The following RIMKLB variants were observed in gnomAD, a reference collection of about 807,000 sequenced individuals.
RIMKLB encodes the protein beta-citrylglutamate synthase B.
RIMKLB carries 7 observed loss-of-function variants against 32.0 expected under a neutral mutation model. The observed-to-expected ratio is 0.22, with a 90% CI of 0.12 to 0.41. The LOEUF (loss-of-function observed/expected upper bound fraction) is 0.41, where lower values mean the gene tolerates loss of function less well. RIMKLB is among the 10% of genes least tolerant of loss of function. RIMKLB has a pLI of 1.00. For missense variants in RIMKLB, 289 were observed against 498.7 expected (o/e 0.58, Z 4.00); for synonymous variants, 172 against 185.1 (o/e 0.93, Z 0.57).
chr12:8,748,302 G>A (rs61054720), intron 2 of RIMKLB, among the ~76,000 whole-genome samples: 5,613 of 152,086 alleles, frequency 0.037, 331 homozygotes, highest in African/African-American at 0.13. Flanking sequence ...GAGAGAAAAG[G>A]ACATTTACAT....
At chr12:8,763,029 A>G (rs1949661692) in intron 5 of RIMKLB, among the ~76,000 whole-genome samples, 1 of 152,256 alleles carries the variant, frequency 6.6e-6, no homozygotes, top group Admixed American at 6.5e-5. Flanking sequence ...ATATTTAAGC[A>G]AATGGTTGTC....
chr12:8,694,701 T>C (rs1238228310), upstream of RIMKLB, among the ~76,000 whole-genome samples: 1 of 152,178 alleles, frequency 6.6e-6, no homozygotes, highest in Non-Finnish European at 1.5e-5. Context: ...GTCCCTCCTG[T>C]TGATTCTCAT....
At chr12:8,725,053 T>G (rs1945848784) in intron 2 of RIMKLB, among the ~76,000 whole-genome samples, 1 of 152,202 alleles carries the variant, frequency 6.6e-6, no homozygotes, top group Non-Finnish European at 1.5e-5. Flanking sequence ...GGTAGTTGTT[T>G]AAACTGTTGT....
chr12:8,717,586 A>T (rs752235053), intron 2 of RIMKLB, among the ~76,000 whole-genome samples: 2 of 152,304 alleles, frequency 1.3e-5, no homozygotes, highest in South Asian at 2.1e-4. Flanking sequence ...CATGGAGTCA[A>T]CTTTCTTCTT....
At chr12:8,733,217 C>G (rs7968935) in intron 2 of RIMKLB, among the ~76,000 whole-genome samples, 5,557 of 150,068 alleles carry the variant, frequency 0.037, 324 homozygotes, top group African/African-American at 0.13. Flanking sequence ...CAGCCCCCAA[C>G]AACAAAGAAT....
intron 2 of RIMKLB, chr12:8,743,010 T>TG (rs1253567511): frequency 1.3e-5 from 2 of 155,918 alleles, no homozygotes; most frequent in Non-Finnish European, 2.8e-5. Context: ...TGAACACCCA[T>TG]GGTAGATTAT....
Position 8,708,586 on chromosome 12 carries a change from G to C in RIMKLB, c.-56-5225G>C, listed in dbSNP as rs766284962. Among the ~76,000 whole-genome samples the C allele has an allele frequency of 3.3e-5, 5 of 152,272 alleles. No individual in the cohort carries two copies. The East Asian group carries it at 9.6e-4, about 29-fold the overall frequency. On this transcript the variant is annotated intron_variant, in intron 1 of 5. Coordinates refer to ENST00000535829, the MANE Select transcript of RIMKLB (RefSeq NM_001297776.2). ...AAACAACACTAAGTTTTAGATCCCA[G>C]GATGTTGACTTGAAAAACTTTTAAA...
intron 5 of RIMKLB, among the ~76,000 whole-genome samples, chr12:8,758,544 T>C (rs996017237): frequency 2.6e-5 from 4 of 152,180 alleles, no homozygotes. Flanking sequence ...TGGACAAAAA[T>C]TGTCCCTTTT....
At chr12:8,700,915 AAGT>A (rs1379601630) in intron 1 of RIMKLB, among the ~76,000 whole-genome samples, 3 of 152,036 alleles carry the variant, frequency 2.0e-5, no homozygotes, top group African/African-American at 7.2e-5. Context: ...AAAATATAAA[AAGT>A]AGCTGGGCAT....
upstream of RIMKLB, among the ~76,000 whole-genome samples, chr12:8,680,849 C>T (rs1231373844): frequency 6.6e-6 from 1 of 152,162 alleles, no homozygotes; most frequent in African/African-American, 2.4e-5. Flanking sequence ...TGACCTTCAT[C>T]TATTACGGAA....
intron 2 of RIMKLB, among the ~76,000 whole-genome samples, chr12:8,738,905 T>C (rs1250026616): frequency 6.6e-6 from 1 of 152,222 alleles, no homozygotes; most frequent in Admixed American, 6.5e-5. Flanking sequence ...TTAAGAGATC[T>C]TGGTAGTTTG....
upstream of RIMKLB, among the ~76,000 whole-genome samples, chr12:8,695,852 C>G (rs1393711843): frequency 6.6e-6 from 1 of 152,126 alleles, no homozygotes; most frequent in African/African-American, 2.4e-5. Context: ...CGCTATCACG[C>G]CTGGCTAATT....
chr12:8,715,104 A>C (rs1407533251), intron 2 of RIMKLB, among the ~76,000 whole-genome samples: 2 of 152,188 alleles, frequency 1.3e-5, no homozygotes, highest in African/African-American at 2.4e-5. Context: ...TCTCTTAGCA[A>C]GCATCACTTT....
At chr12:8,769,570 C>CCTTTTT (rs1237070258) in intron 5 of RIMKLB, among the ~76,000 whole-genome samples, 1 of 151,886 alleles carries the variant, frequency 6.6e-6, no homozygotes, top group Non-Finnish European at 1.5e-5. Flanking sequence ...TCAAATTGTT[C>CCTTTTT]CTTTTTCTTT....
chr12:8,707,943 G>A (rs961302245), intron 1 of RIMKLB, among the ~76,000 whole-genome samples: 3 of 152,160 alleles, frequency 2.0e-5, no homozygotes, highest in East Asian at 1.9e-4. Flanking sequence ...TTTATCCTAT[G>A]TACAGTCTTT....
intron 5 of RIMKLB, among the ~76,000 whole-genome samples, chr12:8,762,887 C>T (rs949838142): frequency 6.6e-6 from 1 of 152,134 alleles, no homozygotes; most frequent in Non-Finnish European, 1.5e-5. Context: ...TAGAAGGTCC[C>T]CTTAAGCGGC....
the RIMKLB span, among the ~76,000 whole-genome samples, chr12:8,671,362 T>C: frequency 6.6e-6 from 1 of 152,036 alleles, no homozygotes; most frequent in Admixed American, 6.6e-5. Context: ...GCAATTATCC[T>C]GCCTCAGCCT....
At chr12:8,743,467 C>T (rs1488292301) in intron 2 of RIMKLB, among the ~76,000 whole-genome samples, 1 of 151,350 alleles carries the variant, frequency 6.6e-6, no homozygotes, top group African/African-American at 2.4e-5. Context: ...TTGTCTGTTC[C>T]TTGATTCCTG....
chr12:8,699,941 G>A (rs955910379), intron 1 of RIMKLB: 4 of 152,206 alleles, frequency 2.6e-5, no homozygotes, highest in African/African-American at 7.2e-5. Context: ...AAGGAACTGA[G>A]CGTTTAATCT....
Sources: allele counts gnomAD v4.1 joint callset (sites outside exome capture counted in the v4.1 genomes callset), GRCh38; gene constraint gnomAD v4.1.1; transcripts MANE v1.5; gene names NCBI Gene and HGNC (gene_info 2026-07-23, HGNC 2026-07-21).